Variants in CSMD1 observed in about 807,000 individuals in gnomAD.
CSMD1 encodes the protein CUB and sushi domain-containing protein 1.
A neutral mutation model predicts 417.5 loss-of-function variants in CSMD1; 213 were observed. That is an observed-to-expected ratio of 0.51 (90% CI 0.46 to 0.57). The LOEUF (loss-of-function observed/expected upper bound fraction) is 0.57, where lower values mean the gene tolerates loss of function less well. Among genes scored for constraint, CSMD1 ranks in the 20% least tolerant of loss-of-function variants. The pLI is 0.00. For synonymous variants in CSMD1, 2,862 were observed against 1,736.8 expected, an observed-to-expected ratio of 1.65 and a Z score of -16.11; for missense variants, 6,923 against 4,529.7, an observed-to-expected ratio of 1.53 and a Z score of -15.17.
intron 5 of CSMD1, among the ~76,000 whole-genome samples, chr8:3,892,714 G>A (rs1168648918): frequency 9.0e-6 from 1 of 110,670 alleles, no homozygotes; most frequent in Non-Finnish European, 1.8e-5. Context: ...CATTTAGGCA[G>A]GTTTTTTTTT....
At chr8:3,939,948 A>C (rs75036974) in intron 5 of CSMD1, among the ~76,000 whole-genome samples, 4,016 of 152,202 alleles carry the variant, frequency 0.026, 72 homozygotes, top group Non-Finnish European at 0.041. Flanking sequence ...CGAATCTCAG[A>C]AATCACCACT....
intron 3 of CSMD1, among the ~76,000 whole-genome samples, chr8:4,130,914 A>T (rs1050030369): frequency 6.6e-6 from 1 of 152,064 alleles, no homozygotes; most frequent in Admixed American, 6.5e-5. Context: ...GGATGGACGG[A>T]TTAATTATTC....
chr8:3,281,764 A>T (rs1220526538), intron 26 of CSMD1, among the ~76,000 whole-genome samples: 1 of 152,194 alleles, frequency 6.6e-6, no homozygotes, highest in Non-Finnish European at 1.5e-5. Flanking sequence ...GCATTTTTCC[A>T]AACTCATTGA....
intron 12 of CSMD1, among the ~76,000 whole-genome samples, chr8:3,440,085 G>C (rs1443046754): frequency 1.3e-5 from 2 of 152,094 alleles, no homozygotes; most frequent in African/African-American, 2.4e-5. Context: ...AATTGGGTAA[G>C]GTGCTTTTCC....
chr8:3,582,195 G>A lies in CSMD1; in HGVS notation c.1222+3941C>T, dbSNP rs547091993. Among the ~76,000 whole-genome samples, 8 of 152,312 alleles carry A rather than the reference G, an allele frequency of 5.3e-5. No homozygotes were observed. The South Asian group carries it at 1.2e-3, about 24-fold the overall frequency. On this transcript the variant is annotated intron_variant, in intron 9 of 69. Transcript: ENST00000635120. The stretch of plus-strand genomic sequence containing the variant: ...ACCGAACGTGTCAACAGCAAAGAAC[G>A]ATTCCCTGTAGTCTGTTTTAGGTAG...
chr8:4,237,710 G>T (rs906567539), intron 3 of CSMD1, among the ~76,000 whole-genome samples: 1 of 152,046 alleles, frequency 6.6e-6, no homozygotes, highest in Non-Finnish European at 1.5e-5. Flanking sequence ...ACATGGTTTT[G>T]CTATGTTGAC....
chr8:4,356,136 C>T (rs755448341), intron 3 of CSMD1, among the ~76,000 whole-genome samples: 12 of 152,152 alleles, frequency 7.9e-5, no homozygotes, highest in Non-Finnish European at 1.5e-4. Flanking sequence ...TTCCCAAAGT[C>T]CATTGTATCT....
intron 5 of CSMD1, among the ~76,000 whole-genome samples, chr8:3,974,692 CAG>C (rs1009653104): frequency 5.9e-4 from 89 of 150,780 alleles, no homozygotes; most frequent in Non-Finnish European, 8.6e-4. Flanking sequence ...TTTTACATAA[CAG>C]AATGAAAATT....
chr8:4,728,643 G>T (rs973829158), intron 1 of CSMD1, among the ~76,000 whole-genome samples: 9 of 152,096 alleles, frequency 5.9e-5, no homozygotes, highest in Admixed American at 6.5e-5. Flanking sequence ...ATGTATGTTA[G>T]AGAATCTTAA....
intron 1 of CSMD1, among the ~76,000 whole-genome samples, chr8:4,787,162 C>G (rs1003012020): frequency 6.6e-6 from 1 of 152,200 alleles, no homozygotes; most frequent in African/African-American, 2.4e-5. Flanking sequence ...CGGGTTCGGC[C>G]GCTGTAGCGG....
At chr8:3,733,296 GAATA>G (rs1055232550) in intron 6 of CSMD1, among the ~76,000 whole-genome samples, 17 of 141,648 alleles carry the variant, frequency 1.2e-4, no homozygotes, top group African/African-American at 2.1e-4. Flanking sequence ...ATATACATAT[GAATA>G]TATATACACA....
chr8:4,333,558 A>G (rs1429132775), intron 3 of CSMD1, among the ~76,000 whole-genome samples: 7 of 152,188 alleles, frequency 4.6e-5, no homozygotes, highest in Non-Finnish European at 1.0e-4. Flanking sequence ...TATGCACACC[A>G]TGACATGCAA....
At chr8:3,780,092 C>A (rs528433044) in intron 5 of CSMD1, among the ~76,000 whole-genome samples, 2 of 152,098 alleles carry the variant, frequency 1.3e-5, no homozygotes, top group African/African-American at 4.8e-5. Context: ...TTTACTGTAC[C>A]AGTCGGTGTT....
At chr8:3,660,790 G>C (rs117688368) in intron 7 of CSMD1, among the ~76,000 whole-genome samples, 122 of 152,194 alleles carry the variant, frequency 8.0e-4, no homozygotes, top group Non-Finnish European at 1.4e-3. Context: ...CAAAGTGCTG[G>C]AATCACAGGC....
chr8:4,163,795 C>T (rs1415254663), intron 3 of CSMD1, among the ~76,000 whole-genome samples: 1 of 152,088 alleles, frequency 6.6e-6, no homozygotes, highest in Non-Finnish European at 1.5e-5. Context: ...TCAACAGTGT[C>T]ATTACATTTT....
At chr8:3,294,547 G>A (rs1803820192) in intron 25 of CSMD1, among the ~76,000 whole-genome samples, 1 of 126,120 alleles carries the variant, frequency 7.9e-6, no homozygotes, top group Non-Finnish European at 1.9e-5. Context: ...CAGCCTCGCT[G>A]CAGCCTTGCA....
chr8:3,284,166 A>T lies in CSMD1; in HGVS notation c.4131T>A (p.Ser1377=). 2 of 1,575,852 alleles carry T rather than the reference A, an allele frequency of 1.3e-6. No homozygotes were observed. Among genetic ancestry groups the T allele is most frequent in the Non-Finnish European group, 1.7e-6 (2 of 1,161,044 alleles). Residue 1377 remains serine, a synonymous_variant, in exon 26 of 70, where the codon TCT becomes TCA. Coordinates refer to ENST00000635120, the MANE Select transcript of CSMD1 (RefSeq NM_033225.6). ...TACTGGAGAACTGGATGGAGAAGCCAGACTTGCTGATGAAGAAGTCGCTGT... is the reference window on the plus strand; with the variant it reads ...TACTGGAGAACTGGATGGAGAAGCCTGACTTGCTGATGAAGAAGTCGCTGT... The part of the protein sequence containing the change: ...QFDSDFFISK[S]GFSIQFSTSI...
chr8:4,016,963 C>A (rs536077394), intron 4 of CSMD1, among the ~76,000 whole-genome samples: 8 of 152,136 alleles, frequency 5.3e-5, no homozygotes, highest in African/African-American at 1.4e-4. Flanking sequence ...AAGTCAAAAT[C>A]CCTAATGTCT....
chr8:4,486,148 T>C (rs1437193322), intron 2 of CSMD1, among the ~76,000 whole-genome samples: 2 of 25,796 alleles, frequency 7.8e-5, no homozygotes, highest in African/African-American at 2.9e-4. Flanking sequence ...CATACATATA[T>C]ATATATATAC....
Sources: gnomAD v4.1 joint callset for allele counts (sites outside exome capture counted in the v4.1 genomes callset) on GRCh38, gnomAD v4.1.1 for gene constraint, MANE v1.5 for transcripts, NCBI Gene and HGNC (gene_info 2026-07-23, HGNC 2026-07-21) for gene names.